The following CACNA1E variants were observed in gnomAD, a reference collection of about 807,000 sequenced individuals.
CACNA1E encodes voltage-dependent R-type calcium channel subunit alpha-1E.
A neutral mutation model predicts 259.2 loss-of-function variants in CACNA1E; 40 were observed. That is an observed-to-expected ratio of 0.15 (90% CI 0.12 to 0.20). The LOEUF (loss-of-function observed/expected upper bound fraction) is 0.20. Ranked by LOEUF, CACNA1E falls within the 10% of genes least tolerant of loss-of-function variation. The probability of loss-of-function intolerance (pLI) is 1.00; values close to 1 mark genes in which losing one functional copy is unlikely to be tolerated. For synonymous variants in CACNA1E, 1,104 were observed against 1,138.5 expected, an observed-to-expected ratio of 0.97 and a Z score of 0.61; for missense variants, 1,874 against 3,040.1, an observed-to-expected ratio of 0.62 and a Z score of 9.02.
chr1:181,514,768 T>C lies in CACNA1E; in HGVS notation c.512+3258T>C, dbSNP rs1027707800. 3.3e-5 allele frequency among the ~76,000 whole-genome samples: 5 copies of C among 152,150 alleles called. No homozygotes were observed. In the East Asian group the frequency reaches 9.6e-4, roughly 29 times the overall value. ...AGCTGGCTCAGTGTAAGACCTGCTC[T>C]TATTGATCTTTGCTGAGAGATGACT... On this transcript the variant is annotated intron_variant, in intron 3 of 47. Coordinates refer to ENST00000367573, the MANE Select transcript of CACNA1E (RefSeq NM_001205293.3).
intron 2 of CACNA1E, among the ~76,000 whole-genome samples, chr1:181,470,954 A>G (rs1662465848): frequency 6.6e-6 from 1 of 152,238 alleles, no homozygotes. Flanking sequence ...CGGGTAATTT[A>G]TAAACAGCAT....
At chr1:181,491,361 C>T (rs1373223709) in intron 1 of CACNA1E, among the ~76,000 whole-genome samples, 2 of 152,196 alleles carry the variant, frequency 1.3e-5, no homozygotes, top group South Asian at 2.1e-4. Context: ...CAGATTACTA[C>T]CCCCCACTCC....
intron 1 of CACNA1E, among the ~76,000 whole-genome samples, chr1:181,510,097 C>T (rs1032934653): frequency 2.6e-5 from 4 of 152,290 alleles, no homozygotes; most frequent in East Asian, 1.9e-4. Context: ...AAGGGGTCTG[C>T]GATGGCATTA....
intron 18 of CACNA1E, among the ~76,000 whole-genome samples, chr1:181,727,365 T>A (rs1655007822): frequency 6.6e-6 from 1 of 150,838 alleles, no homozygotes; most frequent in Non-Finnish European, 1.5e-5. Flanking sequence ...GAAGGAGGAG[T>A]GGGTGCCGGT....
chr1:181,510,585 A>G lies in CACNA1E; in HGVS notation c.372+3A>G, dbSNP rs747286613. ...AGACCCCCATGTCCCGAAGACTGGT[A>G]TGTGATTCCCCTCCTTCTCCCCTTT... On this transcript the variant is annotated splice_donor_region_variant and intron_variant, in intron 2 of 47. Coordinates refer to ENST00000367573, the MANE Select transcript of CACNA1E (RefSeq NM_001205293.3). The G allele has an allele frequency of 1.3e-6, 2 of 1,576,780 alleles. No individual in the cohort carries two copies. Among genetic ancestry groups the G allele is most frequent in the South Asian group, 1.1e-5 (1 of 90,350 alleles).
At chr1:181,418,006 C>T (rs1658413368) in intron 2 of CACNA1E, among the ~76,000 whole-genome samples, 1 of 152,092 alleles carries the variant, frequency 6.6e-6, no homozygotes, top group Admixed American at 6.5e-5. Context: ...CCATTCCAAT[C>T]AGGTCTTTGT....
intron 2 of CACNA1E, among the ~76,000 whole-genome samples, chr1:181,414,949 T>C (rs978529750): frequency 2.0e-5 from 3 of 152,222 alleles, no homozygotes; most frequent in African/African-American, 7.2e-5. Flanking sequence ...TGTTGGGGTT[T>C]GGAGACTTGG....
In CACNA1E at chr1:181,489,844, A is replaced by G. The variant is rs180837964; in HGVS notation, c.266+5834A>G. ...CTAACACTCCGCCACCACTACCACC[A>G]CCACGATGTGGCTTCTAAAGCAGTC... On this transcript the variant is annotated intron_variant, in intron 1 of 47. Transcript: ENST00000367573. Among the ~76,000 whole-genome samples the G allele has an allele frequency of 2.9e-3, 447 of 152,322 alleles. 2 individuals carry two copies. The highest frequency in any genetic ancestry group is 4.9e-3 in the Admixed American group (75 of 15,298).
intron 26 of CACNA1E, 55 bp downstream of exon 26, chr1:181,750,542 G>A (rs986685460): frequency 3.8e-6 from 6 of 1,572,804 alleles, no homozygotes; most frequent in Admixed American, 1.7e-5. Context: ...AGTTGGAGGA[G>A]CGAGAAAGTA....
chr1:181,731,480 G>A (rs1558317525), intron 19 of CACNA1E, among the ~76,000 whole-genome samples: 1 of 152,214 alleles, frequency 6.6e-6, no homozygotes, highest in East Asian at 1.9e-4. Flanking sequence ...CTGTGAGTGG[G>A]TATATGTTGT....
chr1:181,646,939 C>T (rs1658324856), intron 6 of CACNA1E, among the ~76,000 whole-genome samples: 1 of 152,218 alleles, frequency 6.6e-6, no homozygotes, highest in Non-Finnish European at 1.5e-5. Context: ...TGGGCTGCCG[C>T]CCCCGAACTG....
At chr1:181,573,156 G>A (rs138672483) in intron 3 of CACNA1E, among the ~76,000 whole-genome samples, 57 of 152,288 alleles carry the variant, frequency 3.7e-4, no homozygotes, top group African/African-American at 1.3e-3. Context: ...GGAGACAATA[G>A]CAATATGAGG....
chr1:181,510,620 G>A, intron 2 of CACNA1E, 38 bp downstream of exon 2: 3 of 1,323,752 alleles, frequency 2.3e-6, no homozygotes, highest in Non-Finnish European at 3.3e-6. Flanking sequence ...TGCCCCTTTT[G>A]TCTTTCTTGG....
At chr1:181,522,989 G>A (rs1275219614) in intron 3 of CACNA1E, among the ~76,000 whole-genome samples, 1 of 152,094 alleles carries the variant, frequency 6.6e-6, no homozygotes, top group African/African-American at 2.4e-5. Flanking sequence ...TTTACATTCT[G>A]TTCTGAAATA....
At chr1:181,440,983 CAAAAAAAAAAAAAAAAAAAAAA>C (rs60257271) in intron 2 of CACNA1E, among the ~76,000 whole-genome samples, 4 of 38,170 alleles carry the variant, frequency 1.0e-4, no homozygotes, top group Admixed American at 3.0e-4. Context: ...GACCTTGTTT[CAAAAAAAAAAAAAAAAAAAAAA>C]AAAAAAAAAA....
intron 7 of CACNA1E, among the ~76,000 whole-genome samples, chr1:181,678,129 T>C (rs1649561109): frequency 6.6e-6 from 1 of 152,138 alleles, no homozygotes; most frequent in Non-Finnish European, 1.5e-5. Flanking sequence ...TCAACTTTAA[T>C]CTTCTAGGAA....
chr1:181,800,374 TC>T lies in CACNA1E; in HGVS notation c.*1542del, dbSNP rs1662183588. On this transcript the variant is annotated 3_prime_UTR_variant, in exon 48 of 48. Coordinates refer to ENST00000367573, the MANE Select transcript of CACNA1E (RefSeq NM_001205293.3). ...GGGGCTGACAGTCCCACCCTGTCATTCCTAATAGCCCAAACGCAGAAGCACT... is the reference window on the plus strand; with the variant it reads ...GGGGCTGACAGTCCCACCCTGTCATTCTAATAGCCCAAACGCAGAAGCACT... 2 of 152,614 alleles carry T rather than the reference TC, an allele frequency of 1.3e-5. No homozygotes were observed. Among genetic ancestry groups the T allele is most frequent in the Non-Finnish European group, 2.9e-5 (2 of 68,054 alleles). 9.5% of individuals were successfully genotyped at this position (152,614 alleles called of 1,614,324 possible).
chr1:181,766,332 C>G (rs1410281201), intron 34 of CACNA1E, among the ~76,000 whole-genome samples: 2 of 152,134 alleles, frequency 1.3e-5, no homozygotes, highest in African/African-American at 4.8e-5. Flanking sequence ...AAATTTTAAG[C>G]CTCCCTTTGG....
At chr1:181,343,042 T>C (rs1652289948) in intron 1 of CACNA1E, among the ~76,000 whole-genome samples, 1 of 151,870 alleles carries the variant, frequency 6.6e-6, no homozygotes, top group South Asian at 2.1e-4. Flanking sequence ...ATTTTGGTGG[T>C]GACAGCCACA....
Sources: allele counts gnomAD v4.1 joint callset (sites outside exome capture counted in the v4.1 genomes callset), GRCh38; gene constraint gnomAD v4.1.1; transcripts MANE v1.5; gene names NCBI Gene and HGNC (gene_info 2026-07-23, HGNC 2026-07-21).